Variants in SORCS1 observed in about 807,000 individuals in gnomAD.
SORCS1 encodes the protein sortilin related VPS10 domain containing receptor 1.
Under a neutral mutation model 146.1 loss-of-function variants are expected in SORCS1, and 60 were observed. The ratio of observed to expected loss-of-function variants is 0.41; its 90% confidence interval spans 0.33 to 0.51. SORCS1 has a LOEUF of 0.51. Ranked by LOEUF, SORCS1 falls within the 20% of genes least tolerant of loss-of-function variation. SORCS1 has a pLI of 0.21. For missense variants in SORCS1, 1,352 were observed against 1,487.6 expected, an observed-to-expected ratio of 0.91 and a Z score of 1.50; for synonymous variants, 637 against 584.0, an observed-to-expected ratio of 1.09 and a Z score of -1.31.
At chr10:106,757,361 C>A (rs113279097) in intron 5 of SORCS1, among the ~76,000 whole-genome samples, 68 of 152,178 alleles carry the variant, frequency 4.5e-4, no homozygotes, top group African/African-American at 1.6e-3. Context: ...CCCCCAATAG[C>A]CAGGTTCCAA....
intron 1 of SORCS1, among the ~76,000 whole-genome samples, chr10:107,115,220 A>C (rs1473930239): frequency 6.6e-6 from 1 of 152,048 alleles, no homozygotes; most frequent in Non-Finnish European, 1.5e-5. Flanking sequence ...TCAACATTCC[A>C]ATGACATTTT....
intron 16 of SORCS1, among the ~76,000 whole-genome samples, 188 bp downstream of exon 16, chr10:106,671,049 T>C (rs1245468613): frequency 6.6e-6 from 1 of 152,160 alleles, no homozygotes; most frequent in Non-Finnish European, 1.5e-5. Context: ...TCTTTCAGTC[T>C]AAAGAAACTC....
At chr10:106,587,085 A>T (rs1054261063) in intron 24 of SORCS1, among the ~76,000 whole-genome samples, 28 of 152,234 alleles carry the variant, frequency 1.8e-4, no homozygotes, top group African/African-American at 6.5e-4. Flanking sequence ...TGTTTATAAC[A>T]CCATAATGAT....
At chr10:106,624,358 T>C (rs971921459) in intron 19 of SORCS1, among the ~76,000 whole-genome samples, 1 of 126,788 alleles carries the variant, frequency 7.9e-6, no homozygotes, top group Middle Eastern at 3.8e-3. Flanking sequence ...TTTTTTTTTT[T>C]TTTTTTTTTT....
chr10:107,105,804 C>G (rs1965267284), intron 1 of SORCS1, among the ~76,000 whole-genome samples: 1 of 152,168 alleles, frequency 6.6e-6, no homozygotes, highest in Non-Finnish European at 1.5e-5. Flanking sequence ...CAGACACACC[C>G]AGGAACAATA....
At chr10:106,982,736 A>G (rs2139362223) in intron 1 of SORCS1, among the ~76,000 whole-genome samples, 1 of 152,316 alleles carries the variant, frequency 6.6e-6, no homozygotes, top group South Asian at 2.1e-4. Flanking sequence ...ACTAGAAATA[A>G]CAAAGCTTTG....
At chr10:106,821,693 G>A (rs1246433087) in intron 3 of SORCS1, among the ~76,000 whole-genome samples, 1 of 152,088 alleles carries the variant, frequency 6.6e-6, no homozygotes, top group African/African-American at 2.4e-5. Flanking sequence ...AGGCCGAGGC[G>A]GGCGGATCCC....
At chr10:107,171,338 C>T in the SORCS1 span, among the ~76,000 whole-genome samples, 1 of 152,192 alleles carries the variant, frequency 6.6e-6, no homozygotes, top group Non-Finnish European at 1.5e-5. Context: ...CTACCACCTT[C>T]TTAGTTATTG....
rs1427344915 is a variant in SORCS1, at chr10:106,791,555, T to C, written c.727-14863A>G. 2.0e-5 allele frequency among the ~76,000 whole-genome samples: 3 copies of C among 152,114 alleles called. No homozygotes were observed. The East Asian group carries it at 5.8e-4, about 29-fold the overall frequency. On this transcript the variant is annotated intron_variant, in intron 3 of 25. Transcript: ENST00000263054. ...TCTCTATTAAAAATACAAAATTAGT[T>C]GGGCGTGGTGGTGCACAGCTGTAGT...
chr10:107,038,636 T>C (rs778397717), intron 1 of SORCS1, among the ~76,000 whole-genome samples: 4 of 151,154 alleles, frequency 2.6e-5, no homozygotes, highest in Non-Finnish European at 5.9e-5. Context: ...TGTTTTAAAC[T>C]GGTAAAATGG....
chr10:106,984,964 G>A (rs1354804516), intron 1 of SORCS1, among the ~76,000 whole-genome samples: 2 of 151,970 alleles, frequency 1.3e-5, no homozygotes, highest in Non-Finnish European at 2.9e-5. Context: ...GAGGTGGCCG[G>A]ATCACCTGAG....
chr10:106,841,791 C>T (rs1949057055), intron 2 of SORCS1, among the ~76,000 whole-genome samples: 1 of 152,124 alleles, frequency 6.6e-6, no homozygotes, highest in South Asian at 2.1e-4. Flanking sequence ...AATAATGTCC[C>T]TTTGTCTGGG....
At chr10:107,035,463 AG>A (rs756329035) in intron 1 of SORCS1, among the ~76,000 whole-genome samples, 3 of 152,142 alleles carry the variant, frequency 2.0e-5, no homozygotes, top group East Asian at 3.8e-4. Flanking sequence ...ACGCCATACC[AG>A]CAGAACCATG....
In SORCS1 at chr10:107,111,892, C is replaced by G. The variant is rs372001050; in HGVS notation, c.558+52077G>C. ...TTAACAGCAGACATCTCAACAGAAG[C>G]CTTTCAGGCCAAAATGGAGTAAGGT... On this transcript the variant is annotated intron_variant, in intron 1 of 25. Coordinates refer to ENST00000263054, the MANE Select transcript of SORCS1 (RefSeq NM_052918.5). 2.0e-5 allele frequency among the ~76,000 whole-genome samples: 3 copies of G among 152,256 alleles called. No homozygotes were observed. In the South Asian group the frequency reaches 6.2e-4, roughly 32 times the overall value.
At chr10:106,758,100 A>G (rs1385268790) in intron 5 of SORCS1, among the ~76,000 whole-genome samples, 1 of 152,220 alleles carries the variant, frequency 6.6e-6, no homozygotes, top group East Asian at 1.9e-4. Flanking sequence ...TTCACATACA[A>G]TAATGTGTAA....
chr10:107,056,198 G>A (rs17122008), intron 1 of SORCS1, among the ~76,000 whole-genome samples: 1,624 of 152,302 alleles, frequency 0.011, 15 homozygotes, highest in South Asian at 0.028. Context: ...AAGGACCTCA[G>A]AAAGGAGCCT....
intron 24 of SORCS1, among the ~76,000 whole-genome samples, chr10:106,596,913 G>A (rs539086591): frequency 2.6e-5 from 4 of 152,196 alleles, no homozygotes; most frequent in East Asian, 1.9e-4. Context: ...GTGCGGTGGC[G>A]TGATCTCGGC....
At chr10:107,007,105 T>C (rs1288259219) in intron 1 of SORCS1, among the ~76,000 whole-genome samples, 1 of 152,202 alleles carries the variant, frequency 6.6e-6, no homozygotes, top group Non-Finnish European at 1.5e-5. Flanking sequence ...GTCTAAAACT[T>C]CCCCTGCAAT....
intron 2 of SORCS1, among the ~76,000 whole-genome samples, chr10:106,928,899 GA>G (rs2138556952): frequency 8.4e-6 from 1 of 119,338 alleles, no homozygotes; most frequent in South Asian, 2.8e-4. Context: ...ATTTTTTAGT[GA>G]AAATATATAT....
Sources: allele counts gnomAD v4.1 joint callset (sites outside exome capture counted in the v4.1 genomes callset), GRCh38; gene constraint gnomAD v4.1.1; transcripts MANE v1.5; gene names NCBI Gene and HGNC (gene_info 2026-07-23, HGNC 2026-07-21).